Variants in TTBK1 observed in about 807,000 individuals in gnomAD.
TTBK1 encodes the protein tau tubulin kinase 1.
TTBK1 carries 34 observed loss-of-function variants against 108.5 expected under a neutral mutation model. The observed-to-expected ratio is 0.31, with a 90% CI of 0.24 to 0.42. The LOEUF (loss-of-function observed/expected upper bound fraction) is 0.42. Among genes scored for constraint, TTBK1 ranks in the 10% least tolerant of loss-of-function variants. The pLI, the probability that TTBK1 is intolerant of heterozygous loss-of-function variation, is 1.00. For synonymous variants in TTBK1, 809 were observed against 795.1 expected (o/e 1.02, Z -0.29); for missense variants, 1,539 against 1,826.0 (o/e 0.84, Z 2.86).
At chr6:43,255,399 G>A (rs1252980417) in intron 7 of TTBK1, among the ~76,000 whole-genome samples, 153 bp from the exon 8 acceptor site, 3 of 152,154 alleles carry the variant, frequency 2.0e-5, no homozygotes, top group South Asian at 4.1e-4. Flanking sequence ...TGGAGGGTTG[G>A]GGATGGAGCT....
intron 12 of TTBK1, among the ~76,000 whole-genome samples, chr6:43,260,729 C>A (rs1777518470): frequency 6.6e-6 from 1 of 152,108 alleles, no homozygotes; most frequent in Admixed American, 6.5e-5. Flanking sequence ...AAACAAGAAG[C>A]AAACTGGTTT....
chr6:43,244,515 C>A (rs747631540), intron 1 of TTBK1, among the ~76,000 whole-genome samples: 1 of 152,150 alleles, frequency 6.6e-6, no homozygotes, highest in Non-Finnish European at 1.5e-5. Context: ...GGGTCTGAGG[C>A]GGCAGTAACG....
intron 13 of TTBK1, among the ~76,000 whole-genome samples, chr6:43,266,627 T>A (rs1451461288): frequency 6.6e-6 from 1 of 151,666 alleles, no homozygotes; most frequent in Non-Finnish European, 1.5e-5. Flanking sequence ...TTTTTTTTTC[T>A]TTTTTTGAGA....
intron 13 of TTBK1, among the ~76,000 whole-genome samples, chr6:43,275,159 G>A (rs977582355): frequency 1.3e-5 from 2 of 152,260 alleles, no homozygotes; most frequent in South Asian, 2.1e-4. Flanking sequence ...GGGAGGGCAC[G>A]AGGACTGCGC....
rs1211251279 is a variant in TTBK1, at chr6:43,285,570, A to G, written c.*194A>G. 1.6e-6 allele frequency: 1 copy of G among 627,332 alleles called. No individual in the cohort carries two copies. Among genetic ancestry groups the G allele is most frequent in the African/African-American group, 1.9e-5 (1 of 51,928 alleles). 38.9% of individuals were successfully genotyped at this position (627,332 alleles called of 1,614,324 possible). A position where few individuals can be genotyped will look rare whatever the true frequency, so the allele number is the denominator to read the frequency against. The stretch of plus-strand genomic sequence containing the variant: ...CGCCAGGCCTTAGGGCCCGTGGGGG[A>G]CGCGGCCCCGCGCCGCGGGGAGGGT... On this transcript the variant is annotated 3_prime_UTR_variant, in exon 15 of 15. Transcript: ENST00000259750. The surrounding 1 kb of genome is among the most constrained non-coding windows in gnomAD (Gnocchi z 4.7).
intron 13 of TTBK1, chr6:43,270,248 C>T: frequency 8.2e-7 from 1 of 1,218,158 alleles, no homozygotes; most frequent in Non-Finnish European, 1.0e-6. Flanking sequence ...GCTGGAGCCA[C>T]TGATGGGTCC....
chr6:43,247,643 C>CGT (rs1299899705), intron 2 of TTBK1, among the ~76,000 whole-genome samples: 2 of 151,658 alleles, frequency 1.3e-5, no homozygotes, highest in Admixed American at 1.3e-4. Flanking sequence ...ACCTCTGAGT[C>CGT]GTGTGTGTGT....
chr6:43,284,081 G>C lies in TTBK1; in HGVS notation c.3341G>C (p.Ser1114Thr). Residue 1114 changes from serine (S) to threonine (T), a missense_variant, in exon 14 of 15, where the codon AGT (serine) becomes ACT (threonine). Around this residue, in one of 5 missense-constraint regions of TTBK1, gnomAD observed 1,055 missense variants for 1,086.5 expected, o/e 0.97. Transcript: ENST00000259750. Reference sequence around the variant, plus strand: ...GCCTCAGGGGCCTCGTCCTCCTCCAGTGAGGAGCAGCGCCGTGCCTCTGAG... The same window carrying C: ...GCCTCAGGGGCCTCGTCCTCCTCCACTGAGGAGCAGCGCCGTGCCTCTGAG... ...RLASGASSSSSEEQRRASETL... is the reference protein window; with the variant it reads ...RLASGASSSSTEEQRRASETL... 4 of 1,539,616 alleles carry C rather than the reference G, an allele frequency of 2.6e-6. No individual in the cohort carries two copies. The South Asian group carries it at 4.7e-5, about 18-fold the overall frequency.
rs1011412613 is a variant in TTBK1, at chr6:43,265,205, C to T, written c.1986+1855C>T. Among the ~76,000 whole-genome samples, 2 of 152,166 alleles carry T rather than the reference C, an allele frequency of 1.3e-5. No homozygotes were observed. The highest frequency in any genetic ancestry group is 1.5e-5 in the Non-Finnish European group (1 of 68,020). ...ATAGTGGTCCCACATTGGGGGCGTA[C>T]ACTCTAGGTGGCTCTGGGAGGTGCC... On this transcript the variant is annotated intron_variant, in intron 13 of 14. Coordinates refer to ENST00000259750, the MANE Select transcript of TTBK1 (RefSeq NM_032538.3). The surrounding 1 kb of genome is among the most constrained non-coding windows in gnomAD (Gnocchi z 4.1).
chr6:43,270,902 CAGA>C, intron 13 of TTBK1: 1 of 985,516 alleles, frequency 1.0e-6, no homozygotes, highest in Non-Finnish European at 1.2e-6. Flanking sequence ...CTGCCCTTCT[CAGA>C]AGGTGACTCC....
chr6:43,246,715 G>C lies in TTBK1; in HGVS notation c.55G>C (p.Glu19Gln). ...KDETNMSGGG[E>Q]QADILPANYV... ...CGAAACCAACATGAGTGGGGGAGGGGAGCAGGCCGACATCCTGCCGGCCAA... is the reference window on the plus strand; with the variant it reads ...CGAAACCAACATGAGTGGGGGAGGGCAGCAGGCCGACATCCTGCCGGCCAA... Residue 19 changes from glutamate to glutamine, a missense_variant, in exon 2 of 15, where the codon GAG becomes CAG. By Grantham distance (29) the Glu-to-Gln change is conservative (BLOSUM62 2). Transcript: ENST00000259750. The C allele has an allele frequency of 6.2e-7, 1 of 1,612,054 alleles. No homozygotes were observed.
At chr6:43,267,735 A>C (rs1777720791) in intron 13 of TTBK1, among the ~76,000 whole-genome samples, 4 of 152,152 alleles carry the variant, frequency 2.6e-5, no homozygotes, top group African/African-American at 7.2e-5. Context: ...GAAGCAGGCT[A>C]GCAAGTGTGT....
At position 43,263,790 on chromosome 6, in the gene TTBK1, GC is replaced by G. The variant is rs1777609085; in HGVS notation, c.1986+441del. 6.6e-6 allele frequency among the ~76,000 whole-genome samples: 1 copy of G among 152,222 alleles called. No individual in the cohort carries two copies. The highest frequency in any genetic ancestry group is 6.5e-5 in the Admixed American group (1 of 15,272). On this transcript the variant is annotated intron_variant, in intron 13 of 14. Coordinates refer to ENST00000259750, the MANE Select transcript of TTBK1 (RefSeq NM_032538.3). This position sits in a 1 kb window ranked among gnomAD's most constrained non-coding sequence, Gnocchi z 4.7. ...CTGCAGGTTTGGTGAGCCACTGAAG[GC>G]TTTTAAACAGGAGTGCAATATGATT...
chr6:43,258,943 G>C (rs535728291), intron 10 of TTBK1, 95 bp from the exon 11 acceptor site: 10 of 861,694 alleles, frequency 1.2e-5, no homozygotes, highest in Non-Finnish European at 5.3e-6. Flanking sequence ...CCCGCTCCTG[G>C]GGGTGGTCTC....
chr6:43,286,149 T>C lies in TTBK1; in HGVS notation c.*773T>C, dbSNP rs941954668. 6.6e-6 allele frequency: 1 copy of C among 152,616 alleles called. No homozygotes were observed. The highest frequency in any genetic ancestry group is 2.4e-5 in the African/African-American group (1 of 41,436). 9.5% of individuals were successfully genotyped at this position (152,616 alleles called of 1,614,324 possible). On this transcript the variant is annotated 3_prime_UTR_variant, in exon 15 of 15. Coordinates refer to ENST00000259750, the MANE Select transcript of TTBK1 (RefSeq NM_032538.3). This position sits in a 1 kb window ranked among gnomAD's most constrained non-coding sequence, Gnocchi z 4.6. ...TGCACCTCTGGGGTGCAGAAACCTC[T>C]TGCCTCCAGATTTGGGTGGAGCCTC...
chr6:43,262,855 G>C lies in TTBK1; in HGVS notation c.1491G>C (p.Leu497=). ...GCTCCTCTCAGCCAGCCCAGATGCTGTCAGTGGACACAGGCCACGCTGACC... is the reference window on the plus strand; with the variant it reads ...GCTCCTCTCAGCCAGCCCAGATGCTCTCAGTGGACACAGGCCACGCTGACC... The part of the protein sequence containing the change: ...QACSSQPAQM[L]SVDTGHADRQ... Residue 497 remains leucine, a synonymous_variant, in exon 13 of 15, where the codon CTG becomes CTC. Coordinates refer to ENST00000259750, the MANE Select transcript of TTBK1 (RefSeq NM_032538.3). 6.2e-7 allele frequency: 1 copy of C among 1,610,588 alleles called. No individual in the cohort carries two copies. The highest frequency in any genetic ancestry group is 8.5e-7 in the Non-Finnish European group (1 of 1,178,198).
intron 1 of TTBK1, among the ~76,000 whole-genome samples, chr6:43,245,458 C>G (rs887097022): frequency 6.6e-6 from 1 of 152,142 alleles, no homozygotes; most frequent in Non-Finnish European, 1.5e-5. Flanking sequence ...ACATGCATAT[C>G]ACACACAGAC....
intron 13 of TTBK1, chr6:43,271,606 G>A: frequency 3.0e-6 from 3 of 985,190 alleles, no homozygotes; most frequent in Non-Finnish European, 3.6e-6. Context: ...CAGGGCCCTG[G>A]CCCCTGCCTG....
chr6:43,274,058 G>C (rs1265663690), intron 13 of TTBK1, among the ~76,000 whole-genome samples: 2 of 152,150 alleles, frequency 1.3e-5, no homozygotes, highest in Admixed American at 6.5e-5. Context: ...GGGGCCTCCT[G>C]GTGGGACTAG....
Sources: allele counts gnomAD v4.1 joint callset (sites outside exome capture counted in the v4.1 genomes callset), GRCh38; gene constraint gnomAD v4.1.1; regional missense constraint gnomAD v4.1.1; non-coding constraint Gnocchi (gnomAD v3.1); transcripts MANE v1.5; gene names NCBI Gene and HGNC (gene_info 2026-07-23, HGNC 2026-07-21).